The following GLIS1 variants were observed in gnomAD, a reference collection of about 807,000 sequenced individuals.
GLIS1 encodes GLIS family zinc finger 1.
In GLIS1, 24 loss-of-function variants were observed where a neutral mutation model predicts 63.8. The ratio of observed to expected loss-of-function variants is 0.38; its 90% CI spans 0.27 to 0.53. GLIS1 has a LOEUF of 0.53. Ranked by LOEUF, GLIS1 falls within the 20% of genes least tolerant of loss-of-function variation. The pLI, the probability that GLIS1 is intolerant of heterozygous loss-of-function variation, is 0.85. For missense variants in GLIS1, 1,036 were observed against 1,074.1 expected, an observed-to-expected ratio of 0.96 and a Z score of 0.50; for synonymous variants, 450 against 482.5, an observed-to-expected ratio of 0.93 and a Z score of 0.88.
intron 2 of GLIS1, among the ~76,000 whole-genome samples, chr1:53,724,892 T>C (rs989091536): frequency 2.0e-5 from 3 of 152,016 alleles, no homozygotes; most frequent in Non-Finnish European, 4.4e-5. Context: ...TTGATCACTG[T>C]AGGATAATGA....
chr1:53,662,205 G>A (rs1357999854), intron 2 of GLIS1, among the ~76,000 whole-genome samples: 1 of 152,206 alleles, frequency 6.6e-6, no homozygotes, highest in Non-Finnish European at 1.5e-5. Flanking sequence ...CGCAGGGGAT[G>A]TTCTTCCCTG....
At chr1:53,609,940 T>C (rs889781835) in intron 2 of GLIS1, among the ~76,000 whole-genome samples, 2 of 152,192 alleles carry the variant, frequency 1.3e-5, no homozygotes, top group Non-Finnish European at 2.9e-5. Context: ...AACACAATGA[T>C]TAGCATTTGT....
intron 2 of GLIS1, among the ~76,000 whole-genome samples, chr1:53,688,040 G>T (rs761332759): frequency 5.8e-4 from 87 of 149,550 alleles, no homozygotes; most frequent in Non-Finnish European, 1.1e-3. Context: ...CTGTGCTGTC[G>T]AGGCTGAGGA....
chr1:53,547,585 C>T (rs541693579), intron 4 of GLIS1, among the ~76,000 whole-genome samples: 24 of 152,362 alleles, frequency 1.6e-4, no homozygotes, highest in African/African-American at 2.4e-4. Flanking sequence ...CCCTCCAGAA[C>T]GTCACCAATG....
Position 53,603,507 on chromosome 1 carries a change from G to A in GLIS1, c.260-3229C>T, listed in dbSNP as rs552782884. 4.6e-5 allele frequency among the ~76,000 whole-genome samples: 7 copies of A among 152,296 alleles called. No homozygotes were observed. In the South Asian group the frequency reaches 1.2e-3, roughly 27 times the overall value. On this transcript the variant is annotated intron_variant, in intron 2 of 10. Coordinates refer to ENST00000628545, the MANE Select transcript of GLIS1 (RefSeq NM_001367484.1). ...CTGGAAAGATGCGGGGACTCTCATC[G>A]CTACCCATCACGGTCCCATGTCTGC...
chr1:53,567,787 C>A (rs1007160278), intron 4 of GLIS1, among the ~76,000 whole-genome samples: 1 of 152,254 alleles, frequency 6.6e-6, no homozygotes, highest in Non-Finnish European at 1.5e-5. Context: ...GCCTTGGAGG[C>A]TTCCACGTGG....
intron 10 of GLIS1, 66 bp from the exon 11 acceptor site, chr1:53,506,842 GT>G (rs992588451): frequency 6.7e-7 from 1 of 1,491,564 alleles, no homozygotes; most frequent in African/African-American, 1.4e-5. Flanking sequence ...ATGCTTCCCA[GT>G]TCCAGGCCCC....
intron 2 of GLIS1, among the ~76,000 whole-genome samples, chr1:53,675,667 C>T (rs1646203589): frequency 6.6e-6 from 1 of 152,222 alleles, no homozygotes; most frequent in South Asian, 2.1e-4. Flanking sequence ...GGGGACTTCT[C>T]CTCATGGCTC....
intron 2 of GLIS1, among the ~76,000 whole-genome samples, chr1:53,698,490 T>G (rs1718056): frequency 0.99 from 150,855 of 152,348 alleles, 74,704 homozygotes; most frequent in Middle Eastern, 1. Flanking sequence ...CCCTGCCTAG[T>G]CAGCAGGTCA....
At chr1:53,696,769 G>A (rs1646469434) in intron 2 of GLIS1, among the ~76,000 whole-genome samples, 1 of 152,074 alleles carries the variant, frequency 6.6e-6, no homozygotes, top group Admixed American at 6.5e-5. Flanking sequence ...CTCCCTTCCC[G>A]CCAGCGCTCA....
chr1:53,546,907 C>T lies in GLIS1; in HGVS notation c.1321-16955G>A, dbSNP rs575350976. Among the ~76,000 whole-genome samples, 344 of 151,418 alleles carry T rather than the reference C, an allele frequency of 2.3e-3. 1 individual carries two copies. Among genetic ancestry groups the T allele is most frequent in the African/African-American group, 8.2e-3 (337 of 41,068 alleles). ...TTCCATCACAGCCCCTGGACTCAAG[C>T]ATTGTAACTGCCGGGCTCTGCGCCT... On this transcript the variant is annotated intron_variant, in intron 4 of 10. Transcript: ENST00000628545.
At chr1:53,536,133 C>T (rs1644579210) in intron 4 of GLIS1, among the ~76,000 whole-genome samples, 1 of 152,160 alleles carries the variant, frequency 6.6e-6, no homozygotes, top group Non-Finnish European at 1.5e-5. Context: ...GCCATCTGTC[C>T]ATGCAGAGAA....
chr1:53,612,106 A>G (rs749166149), intron 2 of GLIS1, among the ~76,000 whole-genome samples: 5 of 152,236 alleles, frequency 3.3e-5, no homozygotes, highest in Non-Finnish European at 7.3e-5. Context: ...TCCTGAGATT[A>G]CAGGTGTAAA....
chr1:53,534,331 C>T (rs1462447169), intron 4 of GLIS1, among the ~76,000 whole-genome samples: 1 of 152,050 alleles, frequency 6.6e-6, no homozygotes, highest in East Asian at 1.9e-4. Context: ...GGGGCCTGCA[C>T]CACAGGGAGT....
intron 2 of GLIS1, among the ~76,000 whole-genome samples, chr1:53,701,750 T>TG (rs1207501126): frequency 2.6e-5 from 4 of 152,064 alleles, no homozygotes; most frequent in African/African-American, 9.7e-5. Flanking sequence ...CCCAGCACTT[T>TG]GGGGGGCCGA....
At chr1:53,532,693 T>C (rs926339452) in intron 4 of GLIS1, among the ~76,000 whole-genome samples, 9 of 152,248 alleles carry the variant, frequency 5.9e-5, no homozygotes, top group Non-Finnish European at 1.3e-4. Context: ...CTCTGGCCCA[T>C]GCAGGGCAGG....
rs1569978991 is a variant in GLIS1 at position 53,646,040 on chromosome 1, A to G, written c.260-45762T>C. Among the ~76,000 whole-genome samples, 1 of 152,230 alleles carries G rather than the reference A, an allele frequency of 6.6e-6. No individual in the cohort carries two copies. Among genetic ancestry groups the G allele is most frequent in the Non-Finnish European group, 1.5e-5 (1 of 68,044 alleles). The stretch of plus-strand genomic sequence containing the variant: ...AAGTGAAAATGAATGAACTAGAGAC[A>G]CCTGCAACATCCAGCAACATAATGC... On this transcript the variant is annotated intron_variant, in intron 2 of 10. Coordinates refer to ENST00000628545, the MANE Select transcript of GLIS1 (RefSeq NM_001367484.1). This position sits in a 1 kb window ranked among gnomAD's most constrained non-coding sequence, Gnocchi z 4.2.
intron 2 of GLIS1, among the ~76,000 whole-genome samples, chr1:53,718,221 TTG>T (rs1423221533): frequency 2.4e-4 from 36 of 152,324 alleles, no homozygotes; most frequent in African/African-American, 8.7e-4. Context: ...ATCAGTCAGT[TTG>T]TGATATATAG....
In GLIS1 at chr1:53,646,955, GGGAAGGAAAGGAAGGAAA is replaced by G. The variant is rs754721250; in HGVS notation, c.260-46695_260-46678del. Among the ~76,000 whole-genome samples the G allele has an allele frequency of 8.2e-4, 88 of 106,920 alleles. No individual in the cohort carries two copies. Among genetic ancestry groups the G allele is most frequent in the African/African-American group, 3.7e-3 (86 of 23,500 alleles). 70.1% of individuals were successfully genotyped at this position (106,920 alleles called of 152,430 possible). ...AAAGAAGGAAGGAAAGGGAAGGGAAGGGAAGGAAAGGAAGGAAAGGAAGGAAAGGAAGGAAAGGAAGGA... is the reference window on the plus strand; with the variant it reads ...AAAGAAGGAAGGAAAGGGAAGGGAAGGGAAGGAAAGGAAGGAAAGGAAGGA... On this transcript the variant is annotated intron_variant, in intron 2 of 10. Coordinates refer to ENST00000628545, the MANE Select transcript of GLIS1 (RefSeq NM_001367484.1). The surrounding 1 kb of genome is among the most constrained non-coding windows in gnomAD (Gnocchi z 4.2).
Sources: allele counts gnomAD v4.1 joint callset (sites outside exome capture counted in the v4.1 genomes callset), GRCh38; gene constraint gnomAD v4.1.1; non-coding constraint Gnocchi (gnomAD v3.1); transcripts MANE v1.5; gene names NCBI Gene and HGNC (gene_info 2026-07-23, HGNC 2026-07-21).